The following PRKG1 variants were observed in gnomAD, a reference collection of about 807,000 sequenced individuals.
PRKG1 encodes the protein protein kinase cGMP-dependent 1.
A neutral mutation model predicts 88.1 loss-of-function variants in PRKG1; 35 were observed. The observed-to-expected ratio is 0.40, with a 90% confidence interval of 0.30 to 0.53. The LOEUF is 0.53. PRKG1 is among the 20% of genes least tolerant of loss of function. PRKG1 has a pLI of 0.59. For missense variants in PRKG1, 540 were observed against 839.8 expected (o/e 0.64, Z 4.41); for synonymous variants, 303 against 292.5 (o/e 1.04, Z -0.37).
intron 3 of PRKG1, among the ~76,000 whole-genome samples, chr10:51,791,231 C>G (rs2132583298): frequency 6.6e-6 from 1 of 152,130 alleles, no homozygotes; most frequent in South Asian, 2.1e-4. Flanking sequence ...GAAAGTTAGC[C>G]TGTAGCAACT....
intron 3 of PRKG1, among the ~76,000 whole-genome samples, chr10:51,476,191 A>C (rs1006226148): frequency 6.6e-6 from 1 of 152,026 alleles, no homozygotes; most frequent in African/African-American, 2.4e-5. Flanking sequence ...GGAAATGGGA[A>C]GTTCCTTGGA....
At chr10:51,634,738 G>A (rs1255283873) in intron 3 of PRKG1, among the ~76,000 whole-genome samples, 3 of 152,060 alleles carry the variant, frequency 2.0e-5, no homozygotes, top group Non-Finnish European at 4.4e-5. Context: ...GTAATTTCAT[G>A]GAATACTACA....
At chr10:51,901,185 A>G (rs1267157471) in intron 4 of PRKG1, among the ~76,000 whole-genome samples, 1 of 152,220 alleles carries the variant, frequency 6.6e-6, no homozygotes, top group South Asian at 2.1e-4. Flanking sequence ...ATTCAAGTCC[A>G]TCTTTTAAAA....
At chr10:52,215,531 T>C (rs191946914) in intron 9 of PRKG1, among the ~76,000 whole-genome samples, 77 of 152,294 alleles carry the variant, frequency 5.1e-4, no homozygotes, top group African/African-American at 1.7e-3. Context: ...CTCAGGTCAG[T>C]GTACTTTTCA....
intron 3 of PRKG1, among the ~76,000 whole-genome samples, chr10:51,643,589 C>A (rs1313928967): frequency 6.6e-6 from 1 of 152,038 alleles, no homozygotes; most frequent in East Asian, 1.9e-4. Flanking sequence ...ATAACTGGAT[C>A]CTGGTGAAGA....
chr10:51,637,077 T>C (rs982474636), intron 3 of PRKG1, among the ~76,000 whole-genome samples: 6 of 152,078 alleles, frequency 3.9e-5, no homozygotes, highest in African/African-American at 1.4e-4. Flanking sequence ...AAAGTGATTG[T>C]CATTTAAAAA....
chr10:51,897,652 G>GTCTCT (rs1440486635), intron 4 of PRKG1, among the ~76,000 whole-genome samples: 3 of 152,050 alleles, frequency 2.0e-5, no homozygotes, highest in Non-Finnish European at 4.4e-5. Context: ...AGCCATCCTT[G>GTCTCT]TCTCTTCTCT....
chr10:51,351,858 G>C (rs1842255595), intron 2 of PRKG1, among the ~76,000 whole-genome samples: 1 of 152,102 alleles, frequency 6.6e-6, no homozygotes, highest in Non-Finnish European at 1.5e-5. Flanking sequence ...TTTCCTTCTA[G>C]GGTTTTTATG....
chr10:51,953,221 T>C (rs1296653406), intron 5 of PRKG1, among the ~76,000 whole-genome samples: 1 of 152,100 alleles, frequency 6.6e-6, no homozygotes, highest in Non-Finnish European at 1.5e-5. Context: ...TAACAAGTCG[T>C]AGGAAATTTA....
chr10:51,220,514 G>A (rs778225746), intron 2 of PRKG1, among the ~76,000 whole-genome samples: 8 of 151,894 alleles, frequency 5.3e-5, no homozygotes, highest in South Asian at 4.2e-4. Context: ...TCACAGTCAC[G>A]AGGGTGTAAA....
At chr10:51,274,151 G>T (rs558240387) in intron 2 of PRKG1, among the ~76,000 whole-genome samples, 1 of 151,912 alleles carries the variant, frequency 6.6e-6, no homozygotes, top group Non-Finnish European at 1.5e-5. Context: ...TTTTTTTCTG[G>T]CTATTTATAT....
intron 4 of PRKG1, among the ~76,000 whole-genome samples, chr10:51,822,483 G>A (rs572929728): frequency 6.4e-4 from 98 of 152,210 alleles, no homozygotes; most frequent in African/African-American, 2.2e-3. Context: ...TAAGAGAAAC[G>A]TAGATAGAAT....
chr10:51,671,279 T>C (rs1337254580), intron 3 of PRKG1, among the ~76,000 whole-genome samples: 4 of 152,208 alleles, frequency 2.6e-5, no homozygotes, highest in Non-Finnish European at 5.9e-5. Flanking sequence ...GCAGTTCCTT[T>C]ACAGGTATTA....
intron 4 of PRKG1, among the ~76,000 whole-genome samples, chr10:51,818,486 C>T (rs1463394571): frequency 2.0e-5 from 3 of 152,050 alleles, no homozygotes; most frequent in African/African-American, 7.2e-5. Flanking sequence ...TTCTTTATAG[C>T]CTTTGTTAGA....
intron 3 of PRKG1, among the ~76,000 whole-genome samples, chr10:51,674,256 G>A (rs1840655335): frequency 6.6e-6 from 1 of 151,984 alleles, no homozygotes; most frequent in South Asian, 2.1e-4. Context: ...TGCCATGGTG[G>A]TTTGCCCCCA....
At chr10:52,154,032 A>C (rs1312138291) in intron 8 of PRKG1, among the ~76,000 whole-genome samples, 1 of 152,064 alleles carries the variant, frequency 6.6e-6, no homozygotes, top group Non-Finnish European at 1.5e-5. Flanking sequence ...GGCGTGAGCC[A>C]CTGTGCCTGG....
At chr10:51,605,158 G>A (rs758455526) in intron 3 of PRKG1, among the ~76,000 whole-genome samples, 28 of 152,124 alleles carry the variant, frequency 1.8e-4, no homozygotes, top group Admixed American at 2.6e-4. Context: ...GTTGGTGTCC[G>A]CAGGTCTGCT....
In PRKG1 at chr10:51,492,237, G is replaced by A. The variant is rs184044599; in HGVS notation, c.592+24401G>A. Among the ~76,000 whole-genome samples the A allele has an allele frequency of 2.6e-4, 39 of 152,234 alleles. No individual in the cohort carries two copies. The East Asian group carries it at 6.9e-3, about 27-fold the overall frequency. On this transcript the variant is annotated intron_variant, in intron 3 of 17. Coordinates refer to ENST00000373980, the MANE Select transcript of PRKG1 (RefSeq NM_006258.4). ...CTTGAACAAAGTTGTGCTTCTAGATGTCTCTTCATGTTTGCAGAGGCAGAT... is the reference window on the plus strand; with the variant it reads ...CTTGAACAAAGTTGTGCTTCTAGATATCTCTTCATGTTTGCAGAGGCAGAT...
At chr10:51,814,542 T>C (rs1365275802) in intron 4 of PRKG1, among the ~76,000 whole-genome samples, 1 of 152,142 alleles carries the variant, frequency 6.6e-6, no homozygotes, top group Non-Finnish European at 1.5e-5. Context: ...TGCATTAGAA[T>C]TAAGCTTGAC....
Sources: allele counts gnomAD v4.1 joint callset (sites outside exome capture counted in the v4.1 genomes callset), GRCh38; gene constraint gnomAD v4.1.1; transcripts MANE v1.5; gene names NCBI Gene and HGNC (gene_info 2026-07-23, HGNC 2026-07-21).